The following EPHA6 variants were observed in gnomAD, a reference collection of about 807,000 sequenced individuals.
EPHA6 encodes ephrin type-A receptor 6.
A neutral mutation model predicts 112.0 loss-of-function variants in EPHA6; 50 were observed. The ratio of observed to expected loss-of-function variants is 0.45; its 90% CI spans 0.36 to 0.56. The LOEUF (loss-of-function observed/expected upper bound fraction) is 0.56. EPHA6 is among the 20% of genes least tolerant of loss of function. The pLI is 0.00. For missense variants in EPHA6, 1,280 were observed against 1,417.4 expected, an observed-to-expected ratio of 0.90 and a Z score of 1.56; for synonymous variants, 529 against 490.7, an observed-to-expected ratio of 1.08 and a Z score of -1.03.
chr3:97,045,940 A>G (rs374427815), intron 3 of EPHA6, among the ~76,000 whole-genome samples: 17 of 152,242 alleles, frequency 1.1e-4, no homozygotes, highest in East Asian at 5.8e-4. Context: ...GAAATATTGA[A>G]GATTTGAAAT....
At chr3:96,940,253 T>C (rs964168309) in intron 2 of EPHA6, among the ~76,000 whole-genome samples, 7 of 152,174 alleles carry the variant, frequency 4.6e-5, no homozygotes, top group African/African-American at 1.7e-4. Flanking sequence ...TTTGTAGATC[T>C]CAAAGGACTT....
chr3:97,429,693 TTAA>T (rs1247483339), intron 6 of EPHA6, among the ~76,000 whole-genome samples: 1 of 152,200 alleles, frequency 6.6e-6, no homozygotes, highest in Non-Finnish European at 1.5e-5. Context: ...GTACAAATCT[TTAA>T]TACACTAAAT....
At chr3:97,139,671 CG>C (rs1167980908) in intron 3 of EPHA6, among the ~76,000 whole-genome samples, 1 of 152,116 alleles carries the variant, frequency 6.6e-6, no homozygotes, top group South Asian at 2.1e-4. Flanking sequence ...CTCCCACCCT[CG>C]GGGGGAAACA....
At chr3:97,329,953 A>C (rs143802557) in intron 5 of EPHA6, among the ~76,000 whole-genome samples, 3,223 of 151,914 alleles carry the variant, frequency 0.021, 81 homozygotes, top group African/African-American at 0.066. Flanking sequence ...GGTTTTAGGT[A>C]TAACATTTAA....
At chr3:97,512,482 A>C (rs1394969489) in intron 10 of EPHA6, among the ~76,000 whole-genome samples, 2 of 152,252 alleles carry the variant, frequency 1.3e-5, no homozygotes, top group African/African-American at 4.8e-5. Flanking sequence ...ATTTTTTTAA[A>C]GCATTTTGAA....
At chr3:97,579,902 C>T (rs1214280124) in intron 11 of EPHA6, among the ~76,000 whole-genome samples, 1 of 152,026 alleles carries the variant, frequency 6.6e-6, no homozygotes, top group Non-Finnish European at 1.5e-5. Context: ...AAACTATTAA[C>T]ACAACAGTAT....
chr3:97,534,565 A>G (rs1200476651), intron 11 of EPHA6, among the ~76,000 whole-genome samples: 66 of 151,950 alleles, frequency 4.3e-4, no homozygotes, highest in Admixed American at 4.3e-3. Context: ...GAATTAAATA[A>G]CATAATTCTG....
At chr3:97,589,827 G>A (rs986245841) in intron 11 of EPHA6, among the ~76,000 whole-genome samples, 4 of 152,162 alleles carry the variant, frequency 2.6e-5, no homozygotes, top group Admixed American at 6.5e-5. Context: ...CAAAATATTC[G>A]TGGAAGCAGA....
intron 14 of EPHA6, among the ~76,000 whole-genome samples, chr3:97,644,003 C>G (rs896604282): frequency 6.6e-6 from 1 of 151,408 alleles, no homozygotes; most frequent in Non-Finnish European, 1.5e-5. Flanking sequence ...CAGCACCACA[C>G]CACACCTATT....
Position 96,987,325 on chromosome 3 carries a change from TGCAG to T in EPHA6, c.451-4_451-1del. ...TCACTTAATTACTTTTTTCCCTTTT[TGCAG>T]TGGGATGCCATCACTGAAATGGATG... On this transcript the variant is annotated splice_acceptor_variant and splice_polypyrimidine_tract_variant and intron_variant, in intron 2 of 17. Coordinates refer to ENST00000389672, the MANE Select transcript of EPHA6 (RefSeq NM_001080448.3). LOFTEE classifies it high-confidence loss of function. The T allele has an allele frequency of 1.3e-6, 2 of 1,580,556 alleles. No homozygotes were observed. Among genetic ancestry groups the T allele is most frequent in the South Asian group, 1.1e-5 (1 of 87,762 alleles).
chr3:97,147,141 C>T (rs1166301193), intron 3 of EPHA6, among the ~76,000 whole-genome samples: 2 of 152,068 alleles, frequency 1.3e-5, no homozygotes, highest in East Asian at 1.9e-4. Flanking sequence ...TGAAACATAA[C>T]TCTTTCTACA....
intron 6 of EPHA6, among the ~76,000 whole-genome samples, chr3:97,431,869 C>T (rs911893172): frequency 2.0e-5 from 3 of 152,028 alleles, no homozygotes; most frequent in South Asian, 2.1e-4. Context: ...AAACAGATAG[C>T]GGTACCTGCC....
At chr3:96,991,680 C>A (rs1157261228) in intron 3 of EPHA6, among the ~76,000 whole-genome samples, 3 of 152,122 alleles carry the variant, frequency 2.0e-5, no homozygotes, top group Admixed American at 2.0e-4. Context: ...CCACACCCTC[C>A]CAAAGGTTTA....
intron 4 of EPHA6, among the ~76,000 whole-genome samples, chr3:97,229,209 T>A (rs1266581051): frequency 6.6e-6 from 1 of 152,186 alleles, no homozygotes; most frequent in Non-Finnish European, 1.5e-5. Context: ...GTGTGAAAGC[T>A]TTTTAGTTTA....
At chr3:96,933,169 C>T (rs1475249352) in intron 2 of EPHA6, among the ~76,000 whole-genome samples, 3 of 152,060 alleles carry the variant, frequency 2.0e-5, no homozygotes. Flanking sequence ...AAATTAGCCT[C>T]TGGAATTTCC....
chr3:97,610,626 A>G (rs939984786), intron 12 of EPHA6, among the ~76,000 whole-genome samples, 167 bp from the exon 13 acceptor site: 2 of 151,766 alleles, frequency 1.3e-5, no homozygotes, highest in Non-Finnish European at 3.0e-5. Context: ...AAAGAAATAT[A>G]GAGGTGCCTA....
intron 6 of EPHA6, among the ~76,000 whole-genome samples, chr3:97,420,044 T>C (rs992795804): frequency 6.6e-6 from 1 of 152,060 alleles, no homozygotes; most frequent in Non-Finnish European, 1.5e-5. Flanking sequence ...TTCTGAAAAA[T>C]GTCTTTTTTG....
chr3:97,001,362 A>C (rs982493268), intron 3 of EPHA6, among the ~76,000 whole-genome samples: 1 of 151,888 alleles, frequency 6.6e-6, no homozygotes, highest in Non-Finnish European at 1.5e-5. Context: ...ATAAACTCGG[A>C]TATAACTTAT....
At position 97,610,822 on chromosome 3, in the gene EPHA6, A is replaced by G; in HGVS notation, c.2542A>G (p.Met848Val). 3 of 1,611,874 alleles carry G rather than the reference A, an allele frequency of 1.9e-6. No individual in the cohort carries two copies. Among genetic ancestry groups the G allele is most frequent in the Non-Finnish European group, 2.5e-6 (3 of 1,178,566 alleles). The stretch of plus-strand genomic sequence containing the variant: ...ACCAGTAATGATTGTGGTGGAATAT[A>G]TGGAGAATGGATCCCTAGACTCCTT... Reference protein sequence around the residue: ...GRPVMIVVEYMENGSLDSFLR... With the variant: ...GRPVMIVVEYVENGSLDSFLR... The change falls in exon 13 of 18, where the codon ATG (methionine) becomes GTG (valine). Residue 848 changes from methionine (M) to valine (V), a missense_variant. Met to Val is a conservative substitution (Grantham distance 21). Coordinates refer to ENST00000389672, the MANE Select transcript of EPHA6 (RefSeq NM_001080448.3).
Sources: gnomAD v4.1 joint callset for allele counts (sites outside exome capture counted in the v4.1 genomes callset) on GRCh38, gnomAD v4.1.1 for gene constraint, MANE v1.5 for transcripts, NCBI Gene and HGNC (gene_info 2026-07-23, HGNC 2026-07-21) for gene names.